CCDC40: variants seen among roughly 807,000 people sequenced by gnomAD.
CCDC40 encodes coiled-coil domain-containing protein 40.
A neutral mutation model predicts 124.5 loss-of-function variants in CCDC40; 104 were observed. The observed-to-expected ratio is 0.84, with a 90% CI of 0.71 to 0.98. The LOEUF (loss-of-function observed/expected upper bound fraction) is 0.98. Among genes scored for constraint, CCDC40 ranks in the 50% least tolerant of loss-of-function variants. The pLI is 0.00. For synonymous variants in CCDC40, 580 were observed against 602.9 expected, an observed-to-expected ratio of 0.96 and a Z score of 0.56; for missense variants, 1,463 against 1,503.9, an observed-to-expected ratio of 0.97 and a Z score of 0.45.
chr17:80,095,894 G>C (rs139672499), intron 18 of CCDC40, among the ~76,000 whole-genome samples: 1 of 152,250 alleles, frequency 6.6e-6, no homozygotes, highest in Non-Finnish European at 1.5e-5. Context: ...TGGGCACCGG[G>C]GACCAGCTGA....
intron 17 of CCDC40, among the ~76,000 whole-genome samples, chr17:80,092,586 C>A (rs990040405): frequency 1.2e-4 from 18 of 152,264 alleles, no homozygotes; most frequent in Admixed American, 9.2e-4. Context: ...TGAGATTCTT[C>A]TGTGTGGTGA....
chr17:80,047,163 C>T (rs1263096165), intron 3 of CCDC40, 116 bp from the exon 4 acceptor site: 1 of 1,197,908 alleles, frequency 8.3e-7, no homozygotes, highest in Non-Finnish European at 1.2e-6. Context: ...TTAAAAAACA[C>T]ACAGGTGACT....
intron 19 of CCDC40, chr17:80,097,612 T>C (rs904325283): frequency 4.8e-5 from 29 of 599,272 alleles, no homozygotes; most frequent in African/African-American, 4.8e-4. Context: ...GAGTATCTGT[T>C]ATGGGCTGGG....
At chr17:80,073,562 C>T (rs1336661105) in intron 10 of CCDC40, among the ~76,000 whole-genome samples, 2 of 152,164 alleles carry the variant, frequency 1.3e-5, no homozygotes, top group East Asian at 1.9e-4. Flanking sequence ...ACTGACTGCT[C>T]GCCGGCTGGC....
At position 80,053,745 on chromosome 17, in the gene CCDC40, A is replaced by T. The variant is rs140336697; in HGVS notation, c.1159+3462A>T. ...GTAGCTGGGACTACAGGGGCCCGCC[A>T]CCATGCCTGGCTAATTTTTGTATTT... On this transcript the variant is annotated intron_variant, in intron 7 of 19. Coordinates refer to ENST00000397545, the MANE Select transcript of CCDC40 (RefSeq NM_017950.4). 9.2e-3 allele frequency among the ~76,000 whole-genome samples: 1,399 copies of T among 152,244 alleles called. 12 individuals are homozygous for T. The highest frequency in any genetic ancestry group is 0.014 in the Non-Finnish European group (927 of 68,030).
At chr17:80,078,321 A>T (rs963716781) in intron 10 of CCDC40, among the ~76,000 whole-genome samples, 1 of 140,162 alleles carries the variant, frequency 7.1e-6, no homozygotes, top group Non-Finnish European at 1.5e-5. Flanking sequence ...ACAGAGCGAG[A>T]CTCTGTCTCA....
At position 80,099,914 on chromosome 17, in the gene CCDC40, GC is replaced by G; in HGVS notation, c.*143del. 1 of 914,684 alleles carries G rather than the reference GC, an allele frequency of 1.1e-6. No individual in the cohort carries two copies. The highest frequency in any genetic ancestry group is 1.7e-6 in the Non-Finnish European group (1 of 603,684). The allele number at this position is 914,684 out of a possible 1,614,324, so 56.7% of individuals were successfully genotyped here. On this transcript the variant is annotated 3_prime_UTR_variant, in exon 20 of 20. Transcript: ENST00000397545. ...GGCATCGTTTAAGAGAAATAAGCCA[GC>G]CCCACCCATAGGAATCTTTTTAGCC...
chr17:80,045,742 G>T (rs1161925587), intron 3 of CCDC40, among the ~76,000 whole-genome samples: 1 of 151,804 alleles, frequency 6.6e-6, no homozygotes, highest in Non-Finnish European at 1.5e-5. Context: ...GAAAAACAGA[G>T]CTGGGGAAAG....
intron 1 of CCDC40, 150 bp from the exon 2 acceptor site, chr17:80,037,973 C>T: frequency 1.5e-6 from 1 of 652,754 alleles, no homozygotes; most frequent in South Asian, 1.5e-5. Flanking sequence ...TGCTATGGTT[C>T]CTGACAAACA....
chr17:80,037,820 C>G (rs140928119), intron 1 of CCDC40: 1 of 340,946 alleles, frequency 2.9e-6, no homozygotes, highest in African/African-American at 2.1e-5. Context: ...CCAGTTTTGT[C>G]CCAGACACAA....
rs574473491 is a variant in CCDC40 at position 80,096,546 on chromosome 17, C to A, written c.3022-699C>A. Among the ~76,000 whole-genome samples, 3 of 152,170 alleles carry A rather than the reference C, an allele frequency of 2.0e-5. No homozygotes were observed. In the East Asian group the frequency reaches 5.8e-4, roughly 30 times the overall value. Reference sequence around the variant, plus strand: ...CCACTCCTTGCTGCCCTGGGCACCCCCTGAGTCCCCTGCCAGGACCCCATG... The same window carrying A: ...CCACTCCTTGCTGCCCTGGGCACCCACTGAGTCCCCTGCCAGGACCCCATG... On this transcript the variant is annotated intron_variant, in intron 18 of 19. Transcript: ENST00000397545.
intron 7 of CCDC40, among the ~76,000 whole-genome samples, chr17:80,055,784 TC>T (rs2037718848): frequency 6.6e-6 from 1 of 151,546 alleles, no homozygotes; most frequent in Non-Finnish European, 1.5e-5. Context: ...ACCAGGGCCC[TC>T]CGCAGAGGCA....
chr17:80,097,297 A>G lies in CCDC40; in HGVS notation c.3074A>G (p.Asn1025Ser). 1 of 1,613,948 alleles carries G rather than the reference A, an allele frequency of 6.2e-7. No homozygotes were observed. Among genetic ancestry groups the G allele is most frequent in the Non-Finnish European group, 8.5e-7 (1 of 1,180,018 alleles). Residue 1025 changes from asparagine to serine, a missense_variant, in exon 19 of 20, where the codon AAT (asparagine) becomes AGT (serine). Physicochemically the swap from Asn to Ser is conservative, Grantham distance 46. Coordinates refer to ENST00000397545, the MANE Select transcript of CCDC40 (RefSeq NM_017950.4). The stretch of plus-strand genomic sequence containing the variant: ...CTGGAACTGGAAGAAACACAAAGAA[A>G]TGTGAGCAGCTCCCTCCTAGAGAAG... ...TVLELEETQRNVSSSLLEKQE... is the reference protein window; with the variant it reads ...TVLELEETQRSVSSSLLEKQE...
intron 9 of CCDC40, among the ~76,000 whole-genome samples, chr17:80,065,082 CAT>C (rs2038004345): frequency 1.3e-5 from 1 of 79,460 alleles, no homozygotes; most frequent in East Asian, 5.5e-4. Flanking sequence ...CTCCCTCTTT[CAT>C]CTCCTCCCCC....
rs536693937 is a variant in CCDC40, at chr17:80,055,619, C to T, written c.1160-2875C>T. On this transcript the variant is annotated intron_variant, in intron 7 of 19. Coordinates refer to ENST00000397545, the MANE Select transcript of CCDC40 (RefSeq NM_017950.4). ...CTCCAAATTAGCAATAAAACCATTG[C>T]AATTCCCGTTACCCTCCGTGGTGAG... 2.9e-4 allele frequency among the ~76,000 whole-genome samples: 44 copies of T among 152,230 alleles called. No individual in the cohort carries two copies. The South Asian group carries it at 8.3e-3, about 29-fold the overall frequency.
intron 17 of CCDC40, among the ~76,000 whole-genome samples, chr17:80,094,510 C>T (rs1598552697): frequency 1.3e-5 from 2 of 152,204 alleles, no homozygotes; most frequent in East Asian, 3.9e-4. Flanking sequence ...TCTTGGCCAA[C>T]ATGGTGAAAC....
intron 18 of CCDC40, among the ~76,000 whole-genome samples, chr17:80,096,838 C>T (rs537675055): frequency 5.9e-5 from 9 of 152,250 alleles, no homozygotes; most frequent in Non-Finnish European, 1.2e-4. Context: ...GAACACCACA[C>T]AGATGGCCCC....
intron 7 of CCDC40, among the ~76,000 whole-genome samples, chr17:80,056,008 A>ATTTTTTTT (rs1242487948): frequency 1.5e-3 from 18 of 12,276 alleles, no homozygotes; most frequent in Admixed American, 2.1e-3. Flanking sequence ...ATATATATAT[A>ATTTTTTTT]TATATATATT....
At chr17:80,036,817 T>A in intron 1 of CCDC40, 126 bp downstream of exon 1, 2 of 882,566 alleles carry the variant, frequency 2.3e-6, no homozygotes, top group Non-Finnish European at 3.2e-6. Flanking sequence ...TCCTCTCGCC[T>A]GTGTCCCTTC....
Sources: gnomAD v4.1 joint callset for allele counts (sites outside exome capture counted in the v4.1 genomes callset) on GRCh38, gnomAD v4.1.1 for gene constraint, MANE v1.5 for transcripts, NCBI Gene and HGNC (gene_info 2026-07-23, HGNC 2026-07-21) for gene names.